Variants in TNKS observed in about 807,000 individuals in gnomAD.
TNKS encodes tankyrase.
In TNKS, 72 loss-of-function variants were observed where a neutral mutation model predicts 135.8. The ratio of observed to expected loss-of-function variants is 0.53; its 90% CI spans 0.44 to 0.64. The LOEUF (loss-of-function observed/expected upper bound fraction) is 0.64. TNKS is among the 30% of genes least tolerant of loss of function. The probability of loss-of-function intolerance (pLI) is 0.00; values close to 1 mark genes in which losing one functional copy is unlikely to be tolerated. For synonymous variants in TNKS, 849 were observed against 649.3 expected, an observed-to-expected ratio of 1.31 and a Z score of -4.68; for missense variants, 1,769 against 1,674.0, an observed-to-expected ratio of 1.06 and a Z score of -0.99.
intron 23 of TNKS, 100 bp downstream of exon 23, chr8:9,764,890 T>G: frequency 1.1e-6 from 1 of 905,294 alleles, no homozygotes; most frequent in East Asian, 2.9e-5. Flanking sequence ...ATTTTCAAAC[T>G]GTGAAAGATA....
intron 3 of TNKS, among the ~76,000 whole-genome samples, chr8:9,628,087 C>G (rs532488264): frequency 4.3e-4 from 65 of 152,302 alleles, no homozygotes; most frequent in African/African-American, 1.4e-3. Context: ...TTTCCTGCAG[C>G]TATGCTCTGC....
intron 5 of TNKS, among the ~76,000 whole-genome samples, chr8:9,697,686 G>A (rs1047598946): frequency 2.6e-5 from 4 of 152,048 alleles, no homozygotes; most frequent in Admixed American, 1.3e-4. Flanking sequence ...ATGAAAAAAT[G>A]CTTATCATTA....
At chr8:9,742,901 C>G (rs1162761968) in intron 17 of TNKS, among the ~76,000 whole-genome samples, 1 of 151,478 alleles carries the variant, frequency 6.6e-6, no homozygotes, top group East Asian at 1.9e-4. Flanking sequence ...GTTTAAAAAG[C>G]TACTTTGTCT....
rs1799862761 is a variant in TNKS, at chr8:9,621,453, T to C, written c.994+5776T>C. Among the ~76,000 whole-genome samples the C allele has an allele frequency of 2.0e-5, 3 of 152,064 alleles. No homozygotes were observed. In the South Asian group the frequency reaches 6.2e-4, roughly 32 times the overall value. ...TCCCAAGTAGCTGGGATTACAGGCA[T>C]GTGCCACCACGCTCAGCTAATTTTG... On this transcript the variant is annotated intron_variant, in intron 3 of 26. Transcript: ENST00000310430.
chr8:9,680,604 G>A lies in TNKS; in HGVS notation c.1032-121G>A, dbSNP rs1240505081. 9.3e-6 allele frequency: 6 copies of A among 645,518 alleles called. No homozygotes were observed. The East Asian group carries it at 1.0e-4, about 11-fold the overall frequency. The allele number at this position is 645,518 out of a possible 1,614,324, so 40.0% of individuals were successfully genotyped here. ...TTGAATATTGCAAAAGAGATTTATT[G>A]TGATCCATGTAAAAGAAATCAAAGC... is the stretch of plus-strand genomic sequence containing the variant. On this transcript the variant is annotated intron_variant, in intron 4 of 26. Transcript: ENST00000310430.
intron 13 of TNKS, among the ~76,000 whole-genome samples, chr8:9,728,643 C>G (rs542567128): frequency 6.6e-6 from 1 of 152,190 alleles, no homozygotes; most frequent in South Asian, 2.1e-4. Context: ...TGCATCTTTT[C>G]TTTTTGATTT....
At position 9,731,048 on chromosome 8, in the gene TNKS, A is replaced by AGTTAGCT; in HGVS notation, c.2147+17_2147+23dup. 6.3e-7 allele frequency: 1 copy of AGTTAGCT among 1,578,834 alleles called. No homozygotes were observed. The highest frequency in any genetic ancestry group is 8.6e-7 in the Non-Finnish European group (1 of 1,161,008). On this transcript the variant is annotated intron_variant, in intron 14 of 26. Transcript: ENST00000310430. ...CCAAAGACAAGGGGTACGTGTTAGA[A>AGTTAGCT]GTTAGCTGTTTGGGAGTCATTCTCT...
intron 17 of TNKS, among the ~76,000 whole-genome samples, chr8:9,742,146 A>G (rs886833864): frequency 3.9e-5 from 6 of 152,258 alleles, no homozygotes; most frequent in Admixed American, 1.3e-4. Flanking sequence ...GGGCTACATA[A>G]TGTGTTTATA....
At chr8:9,703,083 C>A (rs529054868) in intron 5 of TNKS, among the ~76,000 whole-genome samples, 1 of 152,248 alleles carries the variant, frequency 6.6e-6, no homozygotes, top group Admixed American at 6.5e-5. Context: ...CAGTAGTTTT[C>A]CCTTATCCTC....
At chr8:9,611,108 A>G (rs1420305848) in intron 2 of TNKS, among the ~76,000 whole-genome samples, 1 of 152,090 alleles carries the variant, frequency 6.6e-6, no homozygotes, top group Non-Finnish European at 1.5e-5. Context: ...TTGTGACCCT[A>G]CCTTAATTTT....
At chr8:9,746,707 G>A (rs1432184305) in intron 17 of TNKS, among the ~76,000 whole-genome samples, 1 of 151,938 alleles carries the variant, frequency 6.6e-6, no homozygotes, top group East Asian at 1.9e-4. Flanking sequence ...TAGGTATTGA[G>A]CAAATGCTGG....
chr8:9,753,632 T>C (rs1393156048), intron 20 of TNKS, among the ~76,000 whole-genome samples: 2 of 152,240 alleles, frequency 1.3e-5, no homozygotes, highest in Non-Finnish European at 2.9e-5. Context: ...AAATGGACTA[T>C]TGATATACAT....
intron 3 of TNKS, among the ~76,000 whole-genome samples, chr8:9,652,281 C>T (rs115997341): frequency 0.011 from 1,675 of 152,202 alleles, 13 homozygotes; most frequent in African/African-American, 0.023. Flanking sequence ...AAGGTTTTAT[C>T]GATCTCAATA....
intron 1 of TNKS, among the ~76,000 whole-genome samples, chr8:9,559,967 C>T (rs895780457): frequency 6.6e-6 from 1 of 151,924 alleles, no homozygotes; most frequent in Non-Finnish European, 1.5e-5. Flanking sequence ...TTTTTGATGC[C>T]TTTGTAAGAT....
At chr8:9,620,330 G>A (rs1585239835) in intron 3 of TNKS, among the ~76,000 whole-genome samples, 4 of 152,082 alleles carry the variant, frequency 2.6e-5, no homozygotes, top group East Asian at 1.9e-4. Flanking sequence ...CAATCTGACC[G>A]TTTCTTACCA....
At chr8:9,605,546 A>T (rs1799184688) in intron 2 of TNKS, among the ~76,000 whole-genome samples, 1 of 152,116 alleles carries the variant, frequency 6.6e-6, no homozygotes, top group Non-Finnish European at 1.5e-5. Context: ...GTGTATATTT[A>T]GCTATATAAG....
At chr8:9,701,345 A>G (rs1230210514) in intron 5 of TNKS, among the ~76,000 whole-genome samples, 1 of 152,226 alleles carries the variant, frequency 6.6e-6, no homozygotes, top group Admixed American at 6.5e-5. Flanking sequence ...TTATACAAAG[A>G]AAGTTGTGTA....
At chr8:9,591,748 G>T (rs1269118698) in intron 2 of TNKS, among the ~76,000 whole-genome samples, 8 of 152,146 alleles carry the variant, frequency 5.3e-5, no homozygotes, top group African/African-American at 1.9e-4. Flanking sequence ...ACAGGCAAAG[G>T]TTTTTAAGTT....
chr8:9,733,575 C>A (rs1261745651), intron 15 of TNKS, 131 bp downstream of exon 15: 9 of 729,166 alleles, frequency 1.2e-5, no homozygotes, highest in African/African-American at 3.6e-5. Context: ...TTTTCTATTT[C>A]CCAGAAGACC....
Sources: gnomAD v4.1 joint callset for allele counts (sites outside exome capture counted in the v4.1 genomes callset) on GRCh38, gnomAD v4.1.1 for gene constraint, MANE v1.5 for transcripts, NCBI Gene and HGNC (gene_info 2026-07-23, HGNC 2026-07-21) for gene names.